The following LRRTM4 variants were observed in gnomAD, a reference collection of about 807,000 sequenced individuals.
The protein encoded by LRRTM4 is leucine rich repeat transmembrane neuronal 4.
In LRRTM4, 25 loss-of-function variants were observed where a neutral mutation model predicts 47.6. The observed-to-expected ratio is 0.53, with a 90% CI of 0.38 to 0.73. LRRTM4 has a LOEUF of 0.73. Among genes scored for constraint, LRRTM4 ranks in the 30% least tolerant of loss-of-function variants. The pLI is 0.00. For synonymous variants in LRRTM4, 311 were observed against 269.5 expected, an observed-to-expected ratio of 1.15 and a Z score of -1.51; for missense variants, 638 against 713.4, an observed-to-expected ratio of 0.89 and a Z score of 1.20.
At chr2:77,029,048 C>CAAAA (rs200876952) in intron 3 of LRRTM4, among the ~76,000 whole-genome samples, 3 of 131,938 alleles carry the variant, frequency 2.3e-5, no homozygotes, top group African/African-American at 8.5e-5. Context: ...CACACACACA[C>CAAAA]ACAAATATAT....
In LRRTM4 at chr2:77,519,074, G is replaced by A. The variant is rs749532772; in HGVS notation, c.795C>T (p.Ile265=). 17 of 1,612,768 alleles carry A rather than the reference G, an allele frequency of 1.1e-5. No homozygotes were observed. The East Asian group carries it at 3.6e-4, about 34-fold the overall frequency. Residue 265 remains isoleucine (I), a synonymous_variant, in exon 3 of 4, where the codon ATC becomes ATT. Transcript: ENST00000409884. This position sits in a 1 kb window ranked among gnomAD's most constrained non-coding sequence, Gnocchi z 4.6. ...TAAATGTGCCCGGCTCAATTCCTTGGATGTCATTCCCTGATAAATCCAAGT... is the reference window on the plus strand; with the variant it reads ...TAAATGTGCCCGGCTCAATTCCTTGAATGTCATTCCCTGATAAATCCAAGT... ...LHNLDLSGND[I]QGIEPGTFKC...
chr2:77,212,163 CAT>C (rs1308090168), intron 3 of LRRTM4, among the ~76,000 whole-genome samples: 1 of 151,714 alleles, frequency 6.6e-6, no homozygotes, highest in African/African-American at 2.4e-5. Flanking sequence ...GACAAAATGA[CAT>C]ATCTAGGTTT....
intron 3 of LRRTM4, among the ~76,000 whole-genome samples, chr2:77,137,171 T>G (rs1018583745): frequency 6.6e-6 from 1 of 151,592 alleles, no homozygotes; most frequent in African/African-American, 2.4e-5. Context: ...AGACACACAA[T>G]TGTCAATTCA....
chr2:76,748,712 C>T lies in LRRTM4; in HGVS notation c.1756G>A (p.Glu586Lys). ...CTTCAGCGTTAGTTTGCAATTCTCT[C>T]TAGGTAGATGGCCGGTGCTGCCGAC... ...ARSAAPAIYL[E>K]RIAN is the part of the protein sequence containing the mutation. The change falls in exon 4 of 4, where the codon GAG becomes AAG. Residue 586 changes from glutamate (E) to lysine (K), a missense_variant. Glu to Lys is a moderately conservative substitution (Grantham distance 56, BLOSUM62 1). Coordinates refer to ENST00000409884, the MANE Select transcript of LRRTM4 (RefSeq NM_001134745.3). 1 of 1,605,610 alleles carries T rather than the reference C, an allele frequency of 6.2e-7. No homozygotes were observed. The highest frequency in any genetic ancestry group is 8.5e-7 in the Non-Finnish European group (1 of 1,176,080).
At chr2:76,912,519 G>A (rs949094338) in intron 3 of LRRTM4, among the ~76,000 whole-genome samples, 3 of 152,016 alleles carry the variant, frequency 2.0e-5, no homozygotes, top group Non-Finnish European at 2.9e-5. Context: ...TGGTAATGTC[G>A]AATTCCAAGA....
chr2:77,117,329 T>G (rs1279378878), intron 3 of LRRTM4, among the ~76,000 whole-genome samples: 1 of 151,958 alleles, frequency 6.6e-6, no homozygotes, highest in Non-Finnish European at 1.5e-5. Context: ...AGTCACAGGA[T>G]TTTTGCTGTA....
At chr2:76,898,774 A>C (rs1162573241) in intron 3 of LRRTM4, among the ~76,000 whole-genome samples, 1 of 151,236 alleles carries the variant, frequency 6.6e-6, no homozygotes, top group African/African-American at 2.4e-5. Flanking sequence ...GATATATAAA[A>C]TATAGTCACT....
intron 3 of LRRTM4, among the ~76,000 whole-genome samples, chr2:77,436,430 T>A (rs959915824): frequency 6.6e-6 from 1 of 151,936 alleles, no homozygotes; most frequent in African/African-American, 2.4e-5. Context: ...GTGATTTTTA[T>A]AATCATATAT....
intron 3 of LRRTM4, among the ~76,000 whole-genome samples, chr2:76,827,596 G>A (rs927947232): frequency 6.6e-6 from 1 of 151,824 alleles, no homozygotes; most frequent in African/African-American, 2.4e-5. Context: ...CTGATTCTGA[G>A]AATGTGCAAT....
At chr2:76,837,998 A>T (rs1436144486) in intron 3 of LRRTM4, among the ~76,000 whole-genome samples, 1 of 151,822 alleles carries the variant, frequency 6.6e-6, no homozygotes, top group African/African-American at 2.4e-5. Context: ...ATGACGAGTT[A>T]ATGGGTGCAG....
intron 3 of LRRTM4, among the ~76,000 whole-genome samples, chr2:77,222,649 T>G (rs1438591596): frequency 1.3e-5 from 2 of 152,124 alleles, no homozygotes; most frequent in Admixed American, 6.6e-5. Flanking sequence ...CTTCCAAGAC[T>G]AAACCAGGAA....
At chr2:77,214,959 T>A (rs1327854288) in intron 3 of LRRTM4, among the ~76,000 whole-genome samples, 1 of 152,112 alleles carries the variant, frequency 6.6e-6, no homozygotes, top group African/African-American at 2.4e-5. Context: ...TTAAATAAAA[T>A]CAAAGTTCCA....
At chr2:77,340,055 T>C (rs1170333165) in intron 3 of LRRTM4, among the ~76,000 whole-genome samples, 1 of 151,954 alleles carries the variant, frequency 6.6e-6, no homozygotes, top group African/African-American at 2.4e-5. Flanking sequence ...GTGATGTACA[T>C]TATACTGGTA....
chr2:77,013,633 C>T (rs890800391), intron 3 of LRRTM4, among the ~76,000 whole-genome samples: 1 of 152,080 alleles, frequency 6.6e-6, no homozygotes, highest in African/African-American at 2.4e-5. Context: ...TTTGGCTTGT[C>T]TTCAGTGGAA....
At chr2:77,206,103 A>G (rs1013287886) in intron 3 of LRRTM4, among the ~76,000 whole-genome samples, 2 of 151,844 alleles carry the variant, frequency 1.3e-5, no homozygotes, top group Non-Finnish European at 2.9e-5. Context: ...TTGGCCTTCT[A>G]AAGTGCTGAG....
intron 3 of LRRTM4, among the ~76,000 whole-genome samples, chr2:77,048,471 T>A (rs115577207): frequency 1.2e-3 from 185 of 152,160 alleles, no homozygotes; most frequent in African/African-American, 3.9e-3. Context: ...ACTTTCTTAA[T>A]CTTGAAAATT....
chr2:77,394,645 G>A (rs376068432), intron 3 of LRRTM4, among the ~76,000 whole-genome samples: 11 of 151,940 alleles, frequency 7.2e-5, no homozygotes, highest in South Asian at 4.1e-4. Flanking sequence ...AGGAGGAGCC[G>A]TGAATATTCA....
At chr2:76,982,436 A>T (rs904203434) in intron 3 of LRRTM4, among the ~76,000 whole-genome samples, 5 of 152,076 alleles carry the variant, frequency 3.3e-5, no homozygotes, top group Admixed American at 1.3e-4. Context: ...AAGGAAAAAA[A>T]GTATTTGAAG....
intron 3 of LRRTM4, among the ~76,000 whole-genome samples, chr2:76,949,696 G>T (rs563957559): frequency 6.6e-6 from 1 of 152,044 alleles, no homozygotes; most frequent in South Asian, 2.1e-4. Flanking sequence ...TCTGTAAAAT[G>T]TGTTACTTCT....
Sources: allele counts gnomAD v4.1 joint callset (sites outside exome capture counted in the v4.1 genomes callset), GRCh38; gene constraint gnomAD v4.1.1; non-coding constraint Gnocchi (gnomAD v3.1); transcripts MANE v1.5; gene names NCBI Gene and HGNC (gene_info 2026-07-23, HGNC 2026-07-21).